CSMD1: variants seen among roughly 807,000 people sequenced by gnomAD.
The protein encoded by CSMD1 is CUB and sushi domain-containing protein 1.
CSMD1 carries 213 observed loss-of-function variants against 417.5 expected under a neutral mutation model. That is an observed-to-expected ratio of 0.51 (90% CI 0.46 to 0.57). CSMD1 has a LOEUF of 0.57. CSMD1 is among the 20% of genes least tolerant of loss of function. The pLI is 0.00. For synonymous variants in CSMD1, 2,862 were observed against 1,736.8 expected, an observed-to-expected ratio of 1.65 and a Z score of -16.11; for missense variants, 6,923 against 4,529.7, an observed-to-expected ratio of 1.53 and a Z score of -15.17.
intron 2 of CSMD1, among the ~76,000 whole-genome samples, chr8:4,473,957 G>A (rs968327587): frequency 1.3e-5 from 2 of 152,068 alleles, no homozygotes; most frequent in African/African-American, 4.8e-5. Context: ...CTACTGGGGG[G>A]AGGATTTAGG....
chr8:4,992,631 C>A (rs1003655594), intron 1 of CSMD1, among the ~76,000 whole-genome samples: 5 of 152,234 alleles, frequency 3.3e-5, no homozygotes, highest in Admixed American at 2.6e-4. Flanking sequence ...AGGGCACAAC[C>A]CTCTTTTCCC....
chr8:4,221,703 G>C (rs1028457640), intron 3 of CSMD1, among the ~76,000 whole-genome samples: 4 of 152,248 alleles, frequency 2.6e-5, no homozygotes, highest in East Asian at 1.9e-4. Context: ...CAATAGACTG[G>C]AGGCTTTCTC....
At chr8:3,511,860 A>G (rs1011231971) in intron 10 of CSMD1, among the ~76,000 whole-genome samples, 10 of 151,892 alleles carry the variant, frequency 6.6e-5, no homozygotes, top group Non-Finnish European at 1.2e-4. Context: ...TAAATGTAAT[A>G]TGCAATTTAT....
intron 3 of CSMD1, among the ~76,000 whole-genome samples, chr8:4,253,241 G>C (rs923509996): frequency 4.6e-5 from 7 of 152,126 alleles, no homozygotes; most frequent in African/African-American, 1.7e-4. Flanking sequence ...CAGATAAAAT[G>C]ACATCTCCAA....
chr8:3,947,324 G>A (rs566065823), intron 5 of CSMD1, among the ~76,000 whole-genome samples: 4 of 152,238 alleles, frequency 2.6e-5, no homozygotes, highest in South Asian at 2.1e-4. Context: ...TTAAGATTAT[G>A]AATTACAATG....
At chr8:3,717,617 C>T (rs920749931) in intron 6 of CSMD1, among the ~76,000 whole-genome samples, 3 of 152,138 alleles carry the variant, frequency 2.0e-5, no homozygotes, top group Non-Finnish European at 2.9e-5. Flanking sequence ...CCCATCACCA[C>T]AGACAACCAC....
intron 7 of CSMD1, among the ~76,000 whole-genome samples, chr8:3,696,355 G>C (rs1307090249): frequency 6.6e-6 from 1 of 152,092 alleles, no homozygotes; most frequent in African/African-American, 2.4e-5. Flanking sequence ...GTTCACCTTG[G>C]CTTATCTCTT....
chr8:4,339,882 T>C (rs1255527605), intron 3 of CSMD1, among the ~76,000 whole-genome samples: 1 of 151,930 alleles, frequency 6.6e-6, no homozygotes, highest in African/African-American at 2.4e-5. Flanking sequence ...AAAATTATTC[T>C]GGCATGGTGG....
intron 7 of CSMD1, among the ~76,000 whole-genome samples, chr8:3,702,982 CAT>C (rs1486424694): frequency 1.3e-5 from 2 of 152,122 alleles, no homozygotes; most frequent in Non-Finnish European, 2.9e-5. Flanking sequence ...CTTTTGGAGA[CAT>C]AATATTGCCC....
intron 2 of CSMD1, among the ~76,000 whole-genome samples, chr8:4,452,524 TCAA>T (rs2129839479): frequency 6.6e-6 from 1 of 152,324 alleles, no homozygotes; most frequent in South Asian, 2.1e-4. Flanking sequence ...GTTCATTAAC[TCAA>T]CAATTATAAA....
intron 3 of CSMD1, among the ~76,000 whole-genome samples, chr8:4,357,039 G>A (rs753231772): frequency 6.6e-6 from 1 of 152,196 alleles, no homozygotes; most frequent in Non-Finnish European, 1.5e-5. Flanking sequence ...TACATTGTAT[G>A]CAGTTATTAA....
chr8:4,590,849 G>A (rs1027689267), intron 2 of CSMD1, among the ~76,000 whole-genome samples: 4 of 152,236 alleles, frequency 2.6e-5, no homozygotes, highest in African/African-American at 9.6e-5. Context: ...CATAATTTGA[G>A]CTTCTCATAA....
chr8:3,577,788 G>A (rs1048355299), intron 9 of CSMD1, among the ~76,000 whole-genome samples: 2 of 152,118 alleles, frequency 1.3e-5, no homozygotes, highest in African/African-American at 2.4e-5. Flanking sequence ...ACCATCTGAT[G>A]ATGCGCCCCC....
In CSMD1 at chr8:3,708,390, CAGAT is replaced by C. The variant is rs1211244628; in HGVS notation, c.1009+20_1009+23del. On this transcript the variant is annotated intron_variant, in intron 7 of 69. Transcript: ENST00000635120. Reference sequence around the variant, plus strand: ...CTGCTTACAAGGGCGTATCAATCCTCAGATAGAAAGGAAAGGGACTCACAGACAG... The same window carrying C: ...CTGCTTACAAGGGCGTATCAATCCTCAGAAAGGAAAGGGACTCACAGACAG... The C allele has an allele frequency of 3.1e-6, 5 of 1,602,890 alleles. No individual in the cohort carries two copies. Among genetic ancestry groups the C allele is most frequent in the Non-Finnish European group, 4.3e-6 (5 of 1,169,884 alleles).
chr8:4,041,008 T>TTTC (rs1563352819), intron 3 of CSMD1, among the ~76,000 whole-genome samples: 3 of 76,560 alleles, frequency 3.9e-5, no homozygotes, highest in African/African-American at 1.1e-4. Context: ...TTCTTTCTTT[T>TTTC]TTTTTTTCCT....
At chr8:3,435,998 C>T (rs1053686239) in intron 12 of CSMD1, among the ~76,000 whole-genome samples, 3 of 152,172 alleles carry the variant, frequency 2.0e-5, no homozygotes, top group African/African-American at 4.8e-5. Flanking sequence ...ATGCTCTCTT[C>T]TGGGACACAT....
At chr8:4,406,854 A>C (rs945150192) in intron 3 of CSMD1, among the ~76,000 whole-genome samples, 1 of 152,214 alleles carries the variant, frequency 6.6e-6, no homozygotes, top group Non-Finnish European at 1.5e-5. Flanking sequence ...TAAAATGTCC[A>C]CTGTAAATAC....
intron 12 of CSMD1, among the ~76,000 whole-genome samples, chr8:3,417,755 C>T (rs933304125): frequency 6.6e-5 from 10 of 152,096 alleles, no homozygotes; most frequent in Non-Finnish European, 2.9e-5. Flanking sequence ...CTCAGAAATC[C>T]CTAAACTAAT....
intron 6 of CSMD1, among the ~76,000 whole-genome samples, chr8:3,721,406 A>T (rs1045881196): frequency 6.6e-6 from 1 of 152,278 alleles, no homozygotes; most frequent in East Asian, 1.9e-4. Flanking sequence ...GATCAGTCCC[A>T]TGTTTCTGAT....
Sources: allele counts gnomAD v4.1 joint callset (sites outside exome capture counted in the v4.1 genomes callset), GRCh38; gene constraint gnomAD v4.1.1; transcripts MANE v1.5; gene names NCBI Gene and HGNC (gene_info 2026-07-23, HGNC 2026-07-21).